The following LUZP2 variants were observed in gnomAD, a reference collection of about 807,000 sequenced individuals.
LUZP2 encodes the protein leucine zipper protein 2.
A neutral mutation model predicts 51.6 loss-of-function variants in LUZP2; 52 were observed. That is an observed-to-expected ratio of 1.01 (90% CI 0.81 to 1.27). The LOEUF (loss-of-function observed/expected upper bound fraction) is 1.27. LUZP2 is among the 50% of genes most tolerant of loss of function. The pLI is 0.00. For missense variants in LUZP2, 436 were observed against 395.4 expected (o/e 1.10, Z -0.87); for synonymous variants, 154 against 137.3 (o/e 1.12, Z -0.85).
chr11:24,959,367 T>C (rs908610437), intron 7 of LUZP2, among the ~76,000 whole-genome samples: 10 of 152,200 alleles, frequency 6.6e-5, no homozygotes, highest in Admixed American at 3.3e-4. Flanking sequence ...TTTCATGATA[T>C]TGATACTTCC....
chr11:24,952,873 A>G (rs948650420), intron 7 of LUZP2, among the ~76,000 whole-genome samples: 15 of 151,866 alleles, frequency 9.9e-5, no homozygotes, highest in African/African-American at 3.6e-4. Context: ...GAGAGGTGAG[A>G]TATTGTCATG....
At chr11:25,053,010 GT>G (rs1858568214) in intron 10 of LUZP2, among the ~76,000 whole-genome samples, 1 of 151,994 alleles carries the variant, frequency 6.6e-6, no homozygotes, top group Non-Finnish European at 1.5e-5. Context: ...TTGATTTTCA[GT>G]TGTAATGAAT....
At chr11:24,685,500 C>T (rs1337761518) in intron 1 of LUZP2, among the ~76,000 whole-genome samples, 2 of 152,126 alleles carry the variant, frequency 1.3e-5, no homozygotes, top group Non-Finnish European at 2.9e-5. Flanking sequence ...TCCCACTGTT[C>T]CTCTGCATGT....
intron 5 of LUZP2, among the ~76,000 whole-genome samples, chr11:24,796,828 T>C (rs1849561900): frequency 6.6e-6 from 1 of 152,154 alleles, no homozygotes; most frequent in Non-Finnish European, 1.5e-5. Flanking sequence ...GCTTAATGGA[T>C]TATACAGACA....
At chr11:24,853,312 A>G (rs182569149) in intron 5 of LUZP2, among the ~76,000 whole-genome samples, 2 of 152,132 alleles carry the variant, frequency 1.3e-5, no homozygotes, top group East Asian at 3.9e-4. Context: ...TAAAGGATTT[A>G]GTTTCACCTT....
chr11:24,680,546 G>A (rs2133867722), intron 1 of LUZP2, among the ~76,000 whole-genome samples: 1 of 152,290 alleles, frequency 6.6e-6, no homozygotes, highest in African/African-American at 2.4e-5. Flanking sequence ...GTCATACAGG[G>A]AATGAGAGAA....
intron 1 of LUZP2, among the ~76,000 whole-genome samples, chr11:24,668,455 A>C (rs574467130): frequency 9.1e-4 from 138 of 152,288 alleles, no homozygotes; most frequent in Non-Finnish European, 1.5e-3. Flanking sequence ...TGACATGCTG[A>C]AAGGTCTAGA....
intron 10 of LUZP2, among the ~76,000 whole-genome samples, chr11:25,050,547 G>A (rs1257586189): frequency 3.3e-5 from 5 of 151,838 alleles, no homozygotes; most frequent in Non-Finnish European, 5.9e-5. Context: ...CTCGTGATCC[G>A]CCCACCTCGG....
intron 9 of LUZP2, among the ~76,000 whole-genome samples, chr11:25,009,302 A>G (rs997126957): frequency 7.2e-5 from 11 of 152,162 alleles, no homozygotes; most frequent in African/African-American, 2.7e-4. Flanking sequence ...TTCAGCAAAA[A>G]TGTTGTCATT....
chr11:25,040,342 G>GTTTTTTTTTTTTTTTTTTTTTTTTTTTTT (rs1491549909), intron 9 of LUZP2, among the ~76,000 whole-genome samples: 1 of 34,034 alleles, frequency 2.9e-5, no homozygotes, highest in African/African-American at 3.4e-4. Context: ...CTTTCTTTCC[G>GTTTTTTTTTTTTTTTTTTTTTTTTTTTTT]ATTTTTTTTT....
At chr11:25,059,963 T>C (rs1026959556) in intron 10 of LUZP2, among the ~76,000 whole-genome samples, 1 of 152,134 alleles carries the variant, frequency 6.6e-6, no homozygotes, top group Non-Finnish European at 1.5e-5. Flanking sequence ...TAGAACCAAA[T>C]TGAGCACCTA....
At chr11:24,590,154 C>A (rs187365747) in intron 1 of LUZP2, among the ~76,000 whole-genome samples, 1 of 152,278 alleles carries the variant, frequency 6.6e-6, no homozygotes, top group East Asian at 1.9e-4. Context: ...GTAGAATCAT[C>A]TCCTCACACT....
At chr11:24,798,070 A>G (rs962961116) in intron 5 of LUZP2, among the ~76,000 whole-genome samples, 2 of 152,150 alleles carry the variant, frequency 1.3e-5, no homozygotes, top group Non-Finnish European at 2.9e-5. Flanking sequence ...ATTAAAAAGA[A>G]GTCCTTTTTT....
intron 1 of LUZP2, among the ~76,000 whole-genome samples, chr11:24,711,368 T>G (rs1268162313): frequency 2.0e-5 from 3 of 152,008 alleles, no homozygotes; most frequent in Non-Finnish European, 4.4e-5. Flanking sequence ...GAGAATGGCG[T>G]GAACCCGGGA....
At chr11:24,523,557 T>C (rs1448942503) in intron 1 of LUZP2, among the ~76,000 whole-genome samples, 1 of 150,572 alleles carries the variant, frequency 6.6e-6, no homozygotes, top group African/African-American at 2.4e-5. Context: ...ATTATATATA[T>C]ATTAGATAAA....
At chr11:24,718,927 A>G (rs1858158272) in intron 1 of LUZP2, among the ~76,000 whole-genome samples, 1 of 152,210 alleles carries the variant, frequency 6.6e-6, no homozygotes, top group African/African-American at 2.4e-5. Flanking sequence ...TAGTTTATTC[A>G]CAGGAATTGA....
chr11:24,524,296 T>C (rs932574050), intron 1 of LUZP2, among the ~76,000 whole-genome samples: 1 of 151,802 alleles, frequency 6.6e-6, no homozygotes, highest in Non-Finnish European at 1.5e-5. Flanking sequence ...CTGAAGGTGG[T>C]AAAATGTGAC....
intron 1 of LUZP2, among the ~76,000 whole-genome samples, chr11:24,519,444 A>C: frequency 6.6e-6 from 1 of 152,182 alleles, no homozygotes; most frequent in East Asian, 1.9e-4. Flanking sequence ...TTGTTTAGTT[A>C]TGTTTATAAT....
chr11:24,746,058 G>A (rs1859369022), intron 4 of LUZP2, among the ~76,000 whole-genome samples: 1 of 152,156 alleles, frequency 6.6e-6, no homozygotes, highest in Non-Finnish European at 1.5e-5. Flanking sequence ...ACTGAGATGT[G>A]AGGTACCATT....
Sources: gnomAD v4.1 joint callset for allele counts (sites outside exome capture counted in the v4.1 genomes callset) on GRCh38, gnomAD v4.1.1 for gene constraint, MANE v1.5 for transcripts, NCBI Gene and HGNC (gene_info 2026-07-23, HGNC 2026-07-21) for gene names.